Variants in ZFPM2 observed in about 807,000 individuals in gnomAD.
The protein encoded by ZFPM2 is zinc finger protein, FOG family member 2, also known as zinc finger protein ZFPM2.
ZFPM2 carries 20 observed loss-of-function variants against 98.6 expected under a neutral mutation model. That is an observed-to-expected ratio of 0.20 (90% CI 0.14 to 0.29). ZFPM2 has a LOEUF of 0.29. ZFPM2 is among the 10% of genes least tolerant of loss of function. The pLI is 1.00. For missense variants in ZFPM2, 1,310 were observed against 1,388.6 expected, an observed-to-expected ratio of 0.94 and a Z score of 0.90; for synonymous variants, 518 against 502.7, an observed-to-expected ratio of 1.03 and a Z score of -0.41.
At chr8:105,377,692 A>T (rs971389692) in intron 1 of ZFPM2, among the ~76,000 whole-genome samples, 3 of 151,042 alleles carry the variant, frequency 2.0e-5, no homozygotes, top group African/African-American at 7.3e-5. Flanking sequence ...AGGCATGAGG[A>T]TCGCTTGAAC....
At chr8:105,522,945 G>A (rs1352982852) in intron 3 of ZFPM2, among the ~76,000 whole-genome samples, 1 of 152,074 alleles carries the variant, frequency 6.6e-6, no homozygotes, top group Non-Finnish European at 1.5e-5. Context: ...TAGCTCAGTG[G>A]CTATCATACA....
intron 6 of ZFPM2, chr8:105,795,850 T>C (rs10505087): frequency 0.067 from 31,336 of 465,654 alleles, 1,191 homozygotes; most frequent in East Asian, 0.12. Flanking sequence ...TGAAAACACA[T>C]GAGTAGCAGA....
intron 1 of ZFPM2, among the ~76,000 whole-genome samples, chr8:105,357,982 AT>A (rs1812780172): frequency 6.6e-6 from 1 of 152,236 alleles, no homozygotes; most frequent in Non-Finnish European, 1.5e-5. Flanking sequence ...TCCTTAATGA[AT>A]TTAACAAAAT....
intron 1 of ZFPM2, among the ~76,000 whole-genome samples, chr8:105,389,641 A>G (rs141066837): frequency 8.7e-4 from 133 of 152,312 alleles, no homozygotes; most frequent in Middle Eastern, 3.4e-3. Flanking sequence ...ATATGGGGAA[A>G]CTAGAATTTC....
chr8:105,755,022 T>C (rs1029621651), intron 5 of ZFPM2, among the ~76,000 whole-genome samples: 5 of 151,812 alleles, frequency 3.3e-5, no homozygotes, highest in Admixed American at 6.6e-5. Flanking sequence ...GTTGCAGGAA[T>C]AGTTGTAGCA....
At chr8:105,396,743 G>A (rs1332626538) in intron 1 of ZFPM2, among the ~76,000 whole-genome samples, 1 of 152,086 alleles carries the variant, frequency 6.6e-6, no homozygotes, top group Non-Finnish European at 1.5e-5. Flanking sequence ...CATTAGAATG[G>A]CCTTTTAGGG....
At chr8:105,599,000 T>C (rs996253844) in intron 4 of ZFPM2, among the ~76,000 whole-genome samples, 2 of 152,156 alleles carry the variant, frequency 1.3e-5, no homozygotes, top group African/African-American at 4.8e-5. Context: ...TAAATCAGAT[T>C]CTAATCACAC....
chr8:105,609,734 A>T (rs188925155), intron 4 of ZFPM2, among the ~76,000 whole-genome samples: 11 of 152,328 alleles, frequency 7.2e-5, no homozygotes, highest in African/African-American at 2.6e-4. Flanking sequence ...AAATGTTAAC[A>T]GTTGCTAATG....
At chr8:105,603,272 AT>A (rs1170024447) in intron 4 of ZFPM2, among the ~76,000 whole-genome samples, 2 of 152,108 alleles carry the variant, frequency 1.3e-5, no homozygotes, top group East Asian at 3.9e-4. Context: ...ACAGCATGGT[AT>A]ATAGGGATAC....
chr8:105,737,711 C>G (rs1217728836), intron 5 of ZFPM2: 1 of 152,042 alleles, frequency 6.6e-6, no homozygotes, highest in Non-Finnish European at 1.5e-5. Flanking sequence ...AATTCCTCAC[C>G]TGTGTGCTTC....
intron 5 of ZFPM2, among the ~76,000 whole-genome samples, chr8:105,756,339 G>T (rs1812597208): frequency 6.6e-6 from 1 of 152,144 alleles, no homozygotes. Context: ...CGAAATGTAG[G>T]TGGCTCTAAA....
chr8:105,347,132 C>T (rs986340569), intron 1 of ZFPM2, among the ~76,000 whole-genome samples: 4 of 151,930 alleles, frequency 2.6e-5, no homozygotes, highest in African/African-American at 9.7e-5. Flanking sequence ...TAACACCCCC[C>T]ACCCCGCCCC....
intron 5 of ZFPM2, among the ~76,000 whole-genome samples, chr8:105,726,318 A>G (rs902564860): frequency 3.3e-5 from 5 of 151,830 alleles, no homozygotes; most frequent in African/African-American, 9.7e-5. Flanking sequence ...TTAGCACTCT[A>G]TAAAAGTGAA....
intron 5 of ZFPM2, among the ~76,000 whole-genome samples, chr8:105,773,056 T>G (rs1354915811): frequency 6.6e-6 from 1 of 152,218 alleles, no homozygotes; most frequent in Admixed American, 6.6e-5. Context: ...ACTTAACATT[T>G]AAGGTAGAAT....
intron 3 of ZFPM2, among the ~76,000 whole-genome samples, chr8:105,535,785 T>C (rs973311908): frequency 6.6e-6 from 1 of 152,176 alleles, no homozygotes; most frequent in Non-Finnish European, 1.5e-5. Context: ...CATAAGCATG[T>C]TACATGGGAT....
chr8:105,669,342 T>C (rs1171656142), intron 5 of ZFPM2, among the ~76,000 whole-genome samples: 1 of 151,866 alleles, frequency 6.6e-6, no homozygotes, highest in African/African-American at 2.4e-5. Context: ...TAATTTTGCC[T>C]CATGTCCTGC....
At chr8:105,664,925 C>T (rs68062076) in intron 5 of ZFPM2, among the ~76,000 whole-genome samples, 6,549 of 152,094 alleles carry the variant, frequency 0.043, 152 homozygotes, top group African/African-American at 0.072. Flanking sequence ...AGAAAAAGTA[C>T]TAGGAATTAT....
chr8:105,601,692 A>G (rs1453223308), intron 4 of ZFPM2, among the ~76,000 whole-genome samples: 2 of 152,126 alleles, frequency 1.3e-5, no homozygotes, highest in African/African-American at 2.4e-5. Flanking sequence ...AATGACACAG[A>G]GAATTCTGAG....
At chr8:105,594,983 T>C (rs1815937914) in intron 4 of ZFPM2, among the ~76,000 whole-genome samples, 1 of 152,106 alleles carries the variant, frequency 6.6e-6, no homozygotes, top group Non-Finnish European at 1.5e-5. Flanking sequence ...TGTTTCTTTT[T>C]ATAAATAAGC....
Sources: gnomAD v4.1 joint callset for allele counts (sites outside exome capture counted in the v4.1 genomes callset) on GRCh38, gnomAD v4.1.1 for gene constraint, MANE v1.5 for transcripts, NCBI Gene and HGNC (gene_info 2026-07-23, HGNC 2026-07-21) for gene names.